CSMD1: variants seen among roughly 807,000 people sequenced by gnomAD.
CSMD1 encodes the protein CUB and sushi domain-containing protein 1.
Under a neutral mutation model 417.5 loss-of-function variants are expected in CSMD1, and 213 were observed. The observed-to-expected ratio is 0.51, with a 90% CI of 0.46 to 0.57. CSMD1 has a LOEUF of 0.57. CSMD1 is among the 20% of genes least tolerant of loss of function. The probability of loss-of-function intolerance (pLI) is 0.00; values close to 1 mark genes in which losing one functional copy is unlikely to be tolerated. For synonymous variants in CSMD1, 2,862 were observed against 1,736.8 expected (o/e 1.65, Z -16.11); for missense variants, 6,923 against 4,529.7 (o/e 1.53, Z -15.17).
intron 10 of CSMD1, among the ~76,000 whole-genome samples, chr8:3,527,115 A>G (rs960611016): frequency 6.6e-6 from 1 of 152,082 alleles, no homozygotes; most frequent in African/African-American, 2.4e-5. Flanking sequence ...AGAACCCAGA[A>G]GAAGACAACA....
At chr8:4,823,363 A>G (rs543403160) in intron 1 of CSMD1, among the ~76,000 whole-genome samples, 2 of 152,172 alleles carry the variant, frequency 1.3e-5, no homozygotes, top group African/African-American at 2.4e-5. Context: ...ATTACACTCT[A>G]CAAGTATGAC....
chr8:4,917,675 G>C (rs541554693), intron 1 of CSMD1, among the ~76,000 whole-genome samples: 94 of 148,570 alleles, frequency 6.3e-4, no homozygotes, highest in Middle Eastern at 6.9e-3. Context: ...AATAAAATAA[G>C]AGATTTGGAT....
At chr8:3,934,517 G>C (rs1049593626) in intron 5 of CSMD1, among the ~76,000 whole-genome samples, 3 of 152,244 alleles carry the variant, frequency 2.0e-5, no homozygotes, top group East Asian at 1.9e-4. Flanking sequence ...AATGAGGCCA[G>C]ACCTAAACAA....
chr8:3,488,376 G>A (rs539499265), intron 11 of CSMD1, among the ~76,000 whole-genome samples: 2 of 152,110 alleles, frequency 1.3e-5, no homozygotes, highest in South Asian at 2.1e-4. Context: ...CCAAAGTTCC[G>A]GGATTATAGG....
chr8:3,877,917 G>T (rs1563169703), intron 5 of CSMD1, among the ~76,000 whole-genome samples: 1 of 149,966 alleles, frequency 6.7e-6, no homozygotes, highest in African/African-American at 2.4e-5. Flanking sequence ...TCATTTTATA[G>T]GTCGTGGCCA....
intron 11 of CSMD1, among the ~76,000 whole-genome samples, chr8:3,474,818 A>G (rs1402324852): frequency 6.6e-6 from 1 of 152,200 alleles, no homozygotes; most frequent in Non-Finnish European, 1.5e-5. Flanking sequence ...TTTTTCCCCA[A>G]GTTGACTCTA....
At chr8:3,382,664 A>G (rs1241053818) in intron 18 of CSMD1, among the ~76,000 whole-genome samples, 1 of 149,390 alleles carries the variant, frequency 6.7e-6, no homozygotes, top group Non-Finnish European at 1.5e-5. Flanking sequence ...TATAAAATGT[A>G]TCTGCATAGC....
chr8:2,991,899 T>A (rs941052324), intron 54 of CSMD1, among the ~76,000 whole-genome samples: 1 of 152,144 alleles, frequency 6.6e-6, no homozygotes, highest in African/African-American at 2.4e-5. Flanking sequence ...GGAAATTTCG[T>A]TTAAGAAGGT....
At chr8:3,566,895 A>C (rs1799737902) in intron 10 of CSMD1, among the ~76,000 whole-genome samples, 1 of 152,208 alleles carries the variant, frequency 6.6e-6, no homozygotes, top group Non-Finnish European at 1.5e-5. Context: ...AAAGACAGAA[A>C]TCCATTTGCC....
At chr8:3,085,126 G>A (rs1478373739) in intron 49 of CSMD1, among the ~76,000 whole-genome samples, 1 of 151,958 alleles carries the variant, frequency 6.6e-6, no homozygotes, top group African/African-American at 2.4e-5. Context: ...TTTAACAATG[G>A]TCAGGCTCAC....
At chr8:3,807,671 C>G (rs1283481200) in intron 5 of CSMD1, among the ~76,000 whole-genome samples, 5 of 152,162 alleles carry the variant, frequency 3.3e-5, no homozygotes, top group African/African-American at 1.2e-4. Flanking sequence ...CTACACATCT[C>G]TATATAATTA....
At chr8:3,015,723 A>C (rs754794735) in intron 52 of CSMD1, among the ~76,000 whole-genome samples, 1 of 152,098 alleles carries the variant, frequency 6.6e-6, no homozygotes, top group Non-Finnish European at 1.5e-5. Flanking sequence ...AAGGACATTT[A>C]ACTTGGTGGA....
rs867984556 is a variant in CSMD1 at position 3,522,590 on chromosome 8, G to C, written c.1345-28864C>G. Among the ~76,000 whole-genome samples, 27 of 152,122 alleles carry C rather than the reference G, an allele frequency of 1.8e-4. No individual in the cohort carries two copies. The South Asian group carries it at 3.5e-3, about 20-fold the overall frequency. ...AGAAAGAAATGGGAACACTACTCAT[G>C]TTTCAGGCAGCCCACACTCCAAGAA... is the stretch of plus-strand genomic sequence containing the variant. On this transcript the variant is annotated intron_variant, in intron 10 of 69. Coordinates refer to ENST00000635120, the MANE Select transcript of CSMD1 (RefSeq NM_033225.6).
intron 21 of CSMD1, among the ~76,000 whole-genome samples, chr8:3,351,537 C>T (rs1808421666): frequency 1.3e-5 from 2 of 148,686 alleles, no homozygotes; most frequent in African/African-American, 5.0e-5. Context: ...GCAGAAGTTA[C>T]AGTGAGCCGA....
intron 3 of CSMD1, among the ~76,000 whole-genome samples, chr8:4,205,705 ATAATAGAGGTTTATTT>A (rs1799939660): frequency 7.9e-6 from 1 of 126,644 alleles, no homozygotes; most frequent in Non-Finnish European, 1.7e-5. Flanking sequence ...TTCCTACCAA[ATAATAGAGGTTTATTT>A]CAGCTCACTT....
At chr8:2,952,781 G>A (rs1316347090) in intron 65 of CSMD1, among the ~76,000 whole-genome samples, 3 of 152,186 alleles carry the variant, frequency 2.0e-5, no homozygotes, top group African/African-American at 4.8e-5. Context: ...AAGTTTCACA[G>A]GAATGGGCCA....
chr8:4,228,346 C>G (rs1160446507), intron 3 of CSMD1, among the ~76,000 whole-genome samples: 1 of 152,172 alleles, frequency 6.6e-6, no homozygotes, highest in Admixed American at 6.5e-5. Flanking sequence ...TTCCTCCCTC[C>G]CATTTTCCTT....
At chr8:4,146,496 G>A (rs980363778) in intron 3 of CSMD1, among the ~76,000 whole-genome samples, 2 of 148,036 alleles carry the variant, frequency 1.4e-5, no homozygotes, top group East Asian at 2.0e-4. Flanking sequence ...CAGTTCCTCA[G>A]ACGTTGTGAT....
At chr8:3,671,208 T>G (rs555334415) in intron 7 of CSMD1, among the ~76,000 whole-genome samples, 1 of 147,590 alleles carries the variant, frequency 6.8e-6, no homozygotes, top group Non-Finnish European at 1.5e-5. Context: ...ATGGGATCTA[T>G]GTATAGGGGA....
Sources: gnomAD v4.1 joint callset for allele counts (sites outside exome capture counted in the v4.1 genomes callset) on GRCh38, gnomAD v4.1.1 for gene constraint, MANE v1.5 for transcripts, NCBI Gene and HGNC (gene_info 2026-07-23, HGNC 2026-07-21) for gene names.